Variants in DCDC2C observed in about 807,000 individuals in gnomAD.
The protein encoded by DCDC2C is doublecortin domain containing 2C, also known as doublecortin domain-containing protein 2C.
Under a neutral mutation model 45.0 loss-of-function variants are expected in DCDC2C, and 44 were observed. That is an observed-to-expected ratio of 0.98 (90% CI 0.77 to 1.26). The LOEUF (loss-of-function observed/expected upper bound fraction) is 1.26, where lower values mean the gene tolerates loss of function less well. Ranked by LOEUF, DCDC2C falls within the 50% of genes most tolerant of loss-of-function variation. The pLI, the probability that DCDC2C is intolerant of heterozygous loss-of-function variation, is 0.00. For missense variants in DCDC2C, 447 were observed against 468.9 expected (o/e 0.95, Z 0.43); for synonymous variants, 187 against 178.8 (o/e 1.05, Z -0.37).
At chr2:3,807,154 C>T (rs1671271417) in intron 10 of DCDC2C, among the ~76,000 whole-genome samples, 1 of 151,796 alleles carries the variant, frequency 6.6e-6, no homozygotes, top group African/African-American at 2.4e-5. Flanking sequence ...CAAATGTATA[C>T]AAATATGTAA....
intron 6 of DCDC2C, among the ~76,000 whole-genome samples, chr2:3,757,387 T>C (rs565432565): frequency 1.8e-4 from 28 of 152,330 alleles, no homozygotes; most frequent in African/African-American, 6.5e-4. Flanking sequence ...CTGTGCACAT[T>C]CTAATAACAT....
At chr2:3,750,055 C>A (rs542560753) in intron 4 of DCDC2C, among the ~76,000 whole-genome samples, 4 of 151,728 alleles carry the variant, frequency 2.6e-5, no homozygotes, top group African/African-American at 9.7e-5. Flanking sequence ...TGCCTGTTCC[C>A]GGCTCCATCA....
chr2:3,742,996 G>A (rs1472137177), intron 4 of DCDC2C, among the ~76,000 whole-genome samples: 1 of 152,230 alleles, frequency 6.6e-6, no homozygotes, highest in African/African-American at 2.4e-5. Flanking sequence ...TGGCTGTGAA[G>A]ATAATCTGGG....
intron 10 of DCDC2C, among the ~76,000 whole-genome samples, chr2:3,837,063 C>G (rs1299636236): frequency 6.6e-6 from 1 of 152,168 alleles, no homozygotes; most frequent in Non-Finnish European, 1.5e-5. Flanking sequence ...TGGTTGGAAT[C>G]CTTCAGCCTT....
chr2:3,781,411 G>T (rs1249251746), intron 9 of DCDC2C, among the ~76,000 whole-genome samples: 1 of 152,200 alleles, frequency 6.6e-6, no homozygotes, highest in Non-Finnish European at 1.5e-5. Context: ...GTCAACTTAT[G>T]TATCATTCAG....
intron 1 of DCDC2C, among the ~76,000 whole-genome samples, chr2:3,706,949 C>T (rs572595691): frequency 6.6e-6 from 1 of 152,194 alleles, no homozygotes; most frequent in Non-Finnish European, 1.5e-5. Flanking sequence ...CTCTGCGGTA[C>T]GGTTGGGAGA....
rs1273567937 is a variant in DCDC2C at position 3,818,828 on chromosome 2, G to A, written c.1066-28326G>A. On this transcript the variant is annotated intron_variant, in intron 10 of 10. Coordinates refer to ENST00000399143, the MANE Select transcript of DCDC2C (RefSeq NM_001287444.2). The surrounding 1 kb of genome is among the most constrained non-coding windows in gnomAD (Gnocchi z 4.7). ...AAAAGGGTGGCAATGAGGTGTGGCT[G>A]TAGCCCAGGAATAGTCAGGGAAGTA... 6.6e-6 allele frequency among the ~76,000 whole-genome samples: 1 copy of A among 152,134 alleles called. No homozygotes were observed. Among genetic ancestry groups the A allele is most frequent in the East Asian group, 1.9e-4 (1 of 5,182 alleles).
intron 10 of DCDC2C, among the ~76,000 whole-genome samples, chr2:3,815,442 A>G (rs1435439811): frequency 6.6e-6 from 1 of 152,174 alleles, no homozygotes; most frequent in Non-Finnish European, 1.5e-5. Context: ...GTTTTCTTCA[A>G]TGGGAGCCTC....
chr2:3,777,040 C>A (rs1670362039), intron 8 of DCDC2C, among the ~76,000 whole-genome samples: 1 of 152,162 alleles, frequency 6.6e-6, no homozygotes, highest in African/African-American at 2.4e-5. Context: ...TCCCACTTAG[C>A]ATCCTCTTTT....
intron 10 of DCDC2C, among the ~76,000 whole-genome samples, chr2:3,805,399 A>G (rs573861287): frequency 6.0e-4 from 92 of 152,292 alleles, no homozygotes; most frequent in South Asian, 1.5e-3. Flanking sequence ...CAGCAACTTC[A>G]TTCTCTCATT....
chr2:3,754,205 G>T (rs1669619828), intron 5 of DCDC2C, among the ~76,000 whole-genome samples: 1 of 152,212 alleles, frequency 6.6e-6, no homozygotes, highest in Non-Finnish European at 1.5e-5. Context: ...ACACAGAATA[G>T]ACCAAGGAGG....
intron 8 of DCDC2C, among the ~76,000 whole-genome samples, chr2:3,775,065 G>A (rs2148164617): frequency 6.7e-6 from 1 of 149,390 alleles, no homozygotes; most frequent in East Asian, 2.0e-4. Flanking sequence ...GCGCCTGGCT[G>A]GATGTTTTTT....
intron 10 of DCDC2C, among the ~76,000 whole-genome samples, chr2:3,794,414 T>C (rs894525075): frequency 5.3e-5 from 8 of 152,240 alleles, no homozygotes; most frequent in African/African-American, 1.9e-4. Context: ...GTGCACAATG[T>C]GCAGGTTAGT....
At chr2:3,755,234 T>TATATGATGTGC (rs1669659581) in intron 6 of DCDC2C, among the ~76,000 whole-genome samples, 1 of 151,404 alleles carries the variant, frequency 6.6e-6, no homozygotes, top group Non-Finnish European at 1.5e-5. Context: ...GCATGATGTG[T>TATATGATGTGC]ATATGATGTG....
At chr2:3,753,773 A>C (rs1436219883) in intron 5 of DCDC2C, among the ~76,000 whole-genome samples, 2 of 151,994 alleles carry the variant, frequency 1.3e-5, no homozygotes, top group Non-Finnish European at 2.9e-5. Flanking sequence ...GCCTCCTCCT[A>C]TTCTGGTTCA....
rs948108892 is a variant in DCDC2C at position 3,746,994 on chromosome 2, G to A, written c.545+4946G>A. 2.6e-5 allele frequency among the ~76,000 whole-genome samples: 4 copies of A among 152,176 alleles called. No individual in the cohort carries two copies. In the East Asian group the frequency reaches 7.7e-4, roughly 29 times the overall value. ...GTGTGAGAGGGCCCTGAGGGAAGCA[G>A]GGCCTGGCTGTAGTGAAACTTTCTG... On this transcript the variant is annotated intron_variant, in intron 4 of 10. Transcript: ENST00000399143.
chr2:3,704,127 C>T (rs1667963075), intron 1 of DCDC2C, 89 bp downstream of exon 1: 10 of 1,118,514 alleles, frequency 8.9e-6, no homozygotes, highest in Non-Finnish European at 1.1e-5. Context: ...CCCAGGTGTC[C>T]TCCCCAGGCT....
chr2:3,785,637 G>A lies in DCDC2C; in HGVS notation c.1065+537G>A, dbSNP rs540930236. On this transcript the variant is annotated intron_variant, in intron 10 of 10. Coordinates refer to ENST00000399143, the MANE Select transcript of DCDC2C (RefSeq NM_001287444.2). ...GCGGAAGGTGCTTCCCCCTAGAAGC[G>A]CTGCTCTCCCTGCCGTCAGCAATAG... 4.6e-5 allele frequency among the ~76,000 whole-genome samples: 7 copies of A among 152,274 alleles called. No homozygotes were observed. The East Asian group carries it at 1.2e-3, about 25-fold the overall frequency.
chr2:3,790,010 T>C (rs1670762500), intron 10 of DCDC2C, among the ~76,000 whole-genome samples: 2 of 152,266 alleles, frequency 1.3e-5, no homozygotes, highest in Admixed American at 1.3e-4. Flanking sequence ...TTTTGCTTTT[T>C]AGTCTTCTTG....
Sources: allele counts gnomAD v4.1 joint callset (sites outside exome capture counted in the v4.1 genomes callset), GRCh38; gene constraint gnomAD v4.1.1; non-coding constraint Gnocchi (gnomAD v3.1); transcripts MANE v1.5; gene names NCBI Gene and HGNC (gene_info 2026-07-23, HGNC 2026-07-21).